The following TMCC1 variants were observed in gnomAD, a reference collection of about 807,000 sequenced individuals.
The protein encoded by TMCC1 is transmembrane and coiled-coil domains protein 1.
A neutral mutation model predicts 52.4 loss-of-function variants in TMCC1; 15 were observed. The observed-to-expected ratio is 0.29, with a 90% CI of 0.19 to 0.44. TMCC1 has a LOEUF of 0.44. Among genes scored for constraint, TMCC1 ranks in the 20% least tolerant of loss-of-function variants. The pLI is 1.00. For synonymous variants in TMCC1, 279 were observed against 301.9 expected (o/e 0.92, Z 0.79); for missense variants, 503 against 806.0 (o/e 0.62, Z 4.55).
intron 4 of TMCC1, among the ~76,000 whole-genome samples, chr3:129,726,786 G>A (rs934102728): frequency 7.0e-6 from 1 of 142,238 alleles, no homozygotes; most frequent in Non-Finnish European, 1.5e-5. Flanking sequence ...GGCTGAGGCA[G>A]AACTGCTTGA....
chr3:129,832,900 A>C (rs975604028), intron 2 of TMCC1, 74 bp from the exon 3 acceptor site: 2 of 152,232 alleles, frequency 1.3e-5, no homozygotes, highest in Non-Finnish European at 2.9e-5. Context: ...GATATGCAGA[A>C]AACGACTGAA....
chr3:129,718,681 T>C (rs1297771539), intron 4 of TMCC1, among the ~76,000 whole-genome samples: 1 of 152,256 alleles, frequency 6.6e-6, no homozygotes, highest in Non-Finnish European at 1.5e-5. Context: ...TAAACATATG[T>C]AAATACAGTA....
Position 129,651,377 on chromosome 3 carries a change from A to G in TMCC1, c.*104T>C. On this transcript the variant is annotated 3_prime_UTR_variant, in exon 7 of 7. Coordinates refer to ENST00000393238, the MANE Select transcript of TMCC1 (RefSeq NM_001017395.5). The surrounding 1 kb of genome is among the most constrained non-coding windows in gnomAD (Gnocchi z 5.1). ...TTCTAAATGTAAACAGATTCACTCA[A>G]CTCTTTTTTTGTTGTAGAAAACTTC... is the stretch of plus-strand genomic sequence containing the variant. The G allele has an allele frequency of 8.2e-7, 1 of 1,213,918 alleles. No homozygotes were observed. 75.2% of individuals were successfully genotyped at this position (1,213,918 alleles called of 1,614,324 possible). A position where few individuals can be genotyped will look rare whatever the true frequency, so the allele number is the denominator to read the frequency against.
chr3:129,757,991 T>G (rs919523290), intron 4 of TMCC1, among the ~76,000 whole-genome samples: 1 of 152,190 alleles, frequency 6.6e-6, no homozygotes, highest in African/African-American at 2.4e-5. Flanking sequence ...TGGGGATCTC[T>G]GAATGAGATA....
At chr3:129,699,826 G>T (rs1181007122) in intron 4 of TMCC1, among the ~76,000 whole-genome samples, 1 of 152,086 alleles carries the variant, frequency 6.6e-6, no homozygotes, top group Non-Finnish European at 1.5e-5. Context: ...CAGCTACTTG[G>T]GGAGGCTTAA....
At chr3:129,677,098 TAAA>T (rs550686592) in intron 4 of TMCC1, among the ~76,000 whole-genome samples, 1 of 141,072 alleles carries the variant, frequency 7.1e-6, no homozygotes, top group Non-Finnish European at 1.6e-5. Context: ...ACCCTGTCTC[TAAA>T]AAAAAAAAAA....
chr3:129,826,338 C>CAAA (rs63640963), intron 4 of TMCC1, among the ~76,000 whole-genome samples: 197 of 89,020 alleles, frequency 2.2e-3, no homozygotes, highest in African/African-American at 7.7e-3. Flanking sequence ...CTCCTCTCTA[C>CAAA]AAAAAAAAAA....
intron 4 of TMCC1, among the ~76,000 whole-genome samples, chr3:129,717,460 C>T (rs1404425896): frequency 6.6e-6 from 1 of 152,146 alleles, no homozygotes; most frequent in Non-Finnish European, 1.5e-5. Context: ...AGAACTTTCT[C>T]CTTAGTATCC....
At chr3:129,855,510 A>G (rs1027841288) in intron 2 of TMCC1, among the ~76,000 whole-genome samples, 1 of 152,146 alleles carries the variant, frequency 6.6e-6, no homozygotes, top group African/African-American at 2.4e-5. Context: ...AAAAAAACTC[A>G]GCAGAAAAAG....
chr3:129,798,358 A>G (rs2717259), intron 4 of TMCC1, among the ~76,000 whole-genome samples: 95,429 of 151,830 alleles, frequency 0.63, 35,252 homozygotes, highest in Non-Finnish European at 0.83. Flanking sequence ...AGATAGTGAA[A>G]CAGTATTCTG....
chr3:129,820,373 A>T (rs190706329), intron 4 of TMCC1, among the ~76,000 whole-genome samples: 12 of 151,442 alleles, frequency 7.9e-5, no homozygotes, highest in South Asian at 2.1e-4. Flanking sequence ...AAATTAAAAA[A>T]ATATATATAT....
intron 4 of TMCC1, 118 bp from the exon 5 acceptor site, chr3:129,671,382 A>G (rs1021377278): frequency 9.2e-7 from 1 of 1,091,904 alleles, no homozygotes; most frequent in Non-Finnish European, 1.3e-6. Context: ...TAACTGACCT[A>G]TAATTCCCCC....
At chr3:129,688,848 G>C (rs2089607490) in intron 4 of TMCC1, 1 of 620,674 alleles carries the variant, frequency 1.6e-6, no homozygotes. Context: ...AAAGCTACAG[G>C]GTATTAATTC....
chr3:129,832,353 C>A (rs1169172729), intron 3 of TMCC1, among the ~76,000 whole-genome samples: 1 of 151,826 alleles, frequency 6.6e-6, no homozygotes, highest in Non-Finnish European at 1.5e-5. Context: ...GGGGAGAGGT[C>A]GAAGGAGTGA....
chr3:129,811,033 GTTTT>G (rs1252925856), intron 4 of TMCC1, among the ~76,000 whole-genome samples: 1 of 152,140 alleles, frequency 6.6e-6, no homozygotes, highest in Non-Finnish European at 1.5e-5. Context: ...TAACATATGA[GTTTT>G]TTTAATTAAT....
At chr3:129,758,351 T>C (rs2107670025) in intron 4 of TMCC1, among the ~76,000 whole-genome samples, 1 of 152,330 alleles carries the variant, frequency 6.6e-6, no homozygotes, top group East Asian at 1.9e-4. Flanking sequence ...AGGTTAATAA[T>C]TGTACAGGTG....
At chr3:129,681,121 T>A (rs1319838967) in intron 4 of TMCC1, among the ~76,000 whole-genome samples, 1 of 152,128 alleles carries the variant, frequency 6.6e-6, no homozygotes, top group Admixed American at 6.5e-5. Flanking sequence ...ATGTAAAATG[T>A]GTATATTATA....
rs375589157 is a variant in TMCC1, at chr3:129,875,143, C to T, written c.-184+5166G>A. 4.0e-5 allele frequency among the ~76,000 whole-genome samples: 6 copies of T among 151,650 alleles called. No homozygotes were observed. The East Asian group carries it at 1.2e-3, about 30-fold the overall frequency. On this transcript the variant is annotated intron_variant, in intron 2 of 6. Coordinates refer to ENST00000393238, the MANE Select transcript of TMCC1 (RefSeq NM_001017395.5). The stretch of plus-strand genomic sequence containing the variant: ...TCTAAGGTAGGCGGATCACTTGAGC[C>T]CAGTAGTTCATCTAGCCTGAGCAAT...
At chr3:129,876,219 C>T (rs1477087646) in intron 2 of TMCC1, among the ~76,000 whole-genome samples, 1 of 150,442 alleles carries the variant, frequency 6.6e-6, no homozygotes, top group African/African-American at 2.4e-5. Context: ...TTGAACACAA[C>T]CTGCTAACTG....
Sources: gnomAD v4.1 joint callset for allele counts (sites outside exome capture counted in the v4.1 genomes callset) on GRCh38, gnomAD v4.1.1 for gene constraint, Gnocchi (gnomAD v3.1) non-coding constraint, MANE v1.5 for transcripts, NCBI Gene and HGNC (gene_info 2026-07-23, HGNC 2026-07-21) for gene names.